DSCAML1: variants seen among roughly 807,000 people sequenced by gnomAD.
DSCAML1 encodes cell adhesion molecule DSCAML1.
Under a neutral mutation model 200.5 loss-of-function variants are expected in DSCAML1, and 38 were observed. The ratio of observed to expected loss-of-function variants is 0.19; its 90% CI spans 0.15 to 0.25. DSCAML1 has a LOEUF of 0.25. Ranked by LOEUF, DSCAML1 falls within the 10% of genes least tolerant of loss-of-function variation. The pLI is 1.00. For synonymous variants in DSCAML1, 1,215 were observed against 1,165.0 expected (o/e 1.04, Z -0.87); for missense variants, 2,223 against 2,858.8 (o/e 0.78, Z 5.07).
intron 3 of DSCAML1, among the ~76,000 whole-genome samples, chr11:117,572,344 C>A (rs2050861273): frequency 6.6e-6 from 1 of 152,150 alleles, no homozygotes; most frequent in South Asian, 2.1e-4. Flanking sequence ...CCAGCCTAGG[C>A]CTGGGAGGTG....
chr11:117,695,315 CTTTTTT>C (rs753748981), intron 3 of DSCAML1, among the ~76,000 whole-genome samples: 4 of 116,700 alleles, frequency 3.4e-5, no homozygotes, highest in African/African-American at 1.3e-4. Flanking sequence ...CTTTCTTTTT[CTTTTTT>C]TTTTTTTTTT....
chr11:117,546,880 G>A (rs575226286), intron 3 of DSCAML1, among the ~76,000 whole-genome samples: 5 of 152,250 alleles, frequency 3.3e-5, no homozygotes, highest in East Asian at 3.9e-4. Flanking sequence ...AAACTGGAGC[G>A]CTCCCAGGCT....
At chr11:117,574,659 T>G (rs2050902031) in intron 3 of DSCAML1, among the ~76,000 whole-genome samples, 1 of 152,078 alleles carries the variant, frequency 6.6e-6, no homozygotes, top group Non-Finnish European at 1.5e-5. Context: ...TCCCTACCTC[T>G]CAAGGGCAGA....
chr11:117,784,145 G>A (rs1467346044), intron 1 of DSCAML1, among the ~76,000 whole-genome samples: 1 of 152,226 alleles, frequency 6.6e-6, no homozygotes, highest in Non-Finnish European at 1.5e-5. Context: ...CTCCCACCCT[G>A]GGATGTGAGC....
At chr11:117,655,036 C>T (rs557727996) in intron 3 of DSCAML1, among the ~76,000 whole-genome samples, 16 of 152,386 alleles carry the variant, frequency 1.0e-4, no homozygotes, top group South Asian at 1.0e-3. Context: ...GCTGCCAGCA[C>T]ATCCCCTCTC....
At chr11:117,816,916 CCTGT>C (rs1165124566) in intron 1 of DSCAML1, among the ~76,000 whole-genome samples, 1 of 152,192 alleles carries the variant, frequency 6.6e-6, no homozygotes, top group Non-Finnish European at 1.5e-5. Flanking sequence ...TAGCGATCGG[CCTGT>C]CTGAGGCTCT....
chr11:117,797,176 C>G lies in DSCAML1; in HGVS notation c.-97G>C. On this transcript the variant is annotated 5_prime_UTR_variant, in exon 1 of 33. Transcript: ENST00000651296. ...CAGCGCGCTCCCAGCCGCCCGCACT[C>G]GGCGCCCCGCTCTCTCTGCTCCTCA... is the stretch of plus-strand genomic sequence containing the variant. 2 of 1,573,328 alleles carry G rather than the reference C, an allele frequency of 1.3e-6. No individual in the cohort carries two copies. Among genetic ancestry groups the G allele is most frequent in the Non-Finnish European group, 1.7e-6 (2 of 1,161,798 alleles).
At chr11:117,544,943 A>G (rs536830964) in intron 3 of DSCAML1, among the ~76,000 whole-genome samples, 1 of 152,266 alleles carries the variant, frequency 6.6e-6, no homozygotes, top group South Asian at 2.1e-4. Flanking sequence ...TTATAACAAG[A>G]GGAAGAGGCT....
chr11:117,464,997 A>G lies in DSCAML1; in HGVS notation c.3210T>C (p.Asn1070=). ...AQYGVVVQAF[N]RAGTGPSSSE... ...TGGAAGAGGGCCCCGTGCCAGCCCGATTGAAGGCTTGGACCACCACCCCAT... is the reference window on the plus strand; with the variant it reads ...TGGAAGAGGGCCCCGTGCCAGCCCGGTTGAAGGCTTGGACCACCACCCCAT... The change falls in exon 17 of 33, where the codon AAT becomes AAC. Residue 1070 remains asparagine, a synonymous_variant. Transcript: ENST00000651296. The G allele has an allele frequency of 6.2e-7, 1 of 1,614,038 alleles. No individual in the cohort carries two copies. The highest frequency in any genetic ancestry group is 8.5e-7 in the Non-Finnish European group (1 of 1,179,956).
At chr11:117,756,313 G>A (rs549751888) in intron 3 of DSCAML1, among the ~76,000 whole-genome samples, 8 of 152,296 alleles carry the variant, frequency 5.3e-5, no homozygotes, top group East Asian at 3.9e-4. Flanking sequence ...AGGTCTGCAC[G>A]ATATGTGTGG....
chr11:117,761,980 G>C (rs1302552637), intron 3 of DSCAML1, among the ~76,000 whole-genome samples: 2 of 152,160 alleles, frequency 1.3e-5, no homozygotes, highest in Non-Finnish European at 2.9e-5. Context: ...ACAGTGCCTG[G>C]CACATGGCAA....
chr11:117,459,809 T>A (rs145694675), intron 18 of DSCAML1, among the ~76,000 whole-genome samples: 315 of 152,158 alleles, frequency 2.1e-3, no homozygotes, highest in African/African-American at 7.3e-3. Flanking sequence ...GAGACCCCCC[T>A]CCCAGCACCT....
intron 3 of DSCAML1, among the ~76,000 whole-genome samples, chr11:117,718,674 C>CT (rs1460718168): frequency 1.5e-5 from 1 of 65,944 alleles, no homozygotes; most frequent in South Asian, 7.8e-4. Flanking sequence ...CAAAACCCCC[C>CT]CCCCCCCCCA....
chr11:117,599,217 T>G (rs2051419616), intron 3 of DSCAML1, among the ~76,000 whole-genome samples: 1 of 152,126 alleles, frequency 6.6e-6, no homozygotes, highest in Non-Finnish European at 1.5e-5. Flanking sequence ...CAGCCCTGTA[T>G]TTTGGTTGCT....
intron 11 of DSCAML1, 45 bp from the exon 12 acceptor site, chr11:117,482,207 AG>A: frequency 6.2e-7 from 1 of 1,607,124 alleles, no homozygotes; most frequent in Non-Finnish European, 8.5e-7. Flanking sequence ...TCGGGAGACC[AG>A]CCTGGAGGAG....
intron 20 of DSCAML1, among the ~76,000 whole-genome samples, chr11:117,446,197 C>T (rs2048173918): frequency 6.6e-6 from 1 of 152,168 alleles, no homozygotes; most frequent in Non-Finnish European, 1.5e-5. Flanking sequence ...AATCCCCTCT[C>T]TACTAAAAAA....
intron 3 of DSCAML1, among the ~76,000 whole-genome samples, chr11:117,674,312 G>A (rs538131539): frequency 1.8e-4 from 27 of 152,254 alleles, no homozygotes; most frequent in Admixed American, 1.5e-3. Context: ...GGGGATCCTA[G>A]GTGGACACTG....
At chr11:117,722,415 A>G (rs545504265) in intron 3 of DSCAML1, among the ~76,000 whole-genome samples, 20 of 152,242 alleles carry the variant, frequency 1.3e-4, no homozygotes, top group African/African-American at 4.8e-4. Flanking sequence ...TGATTAACAG[A>G]TCCAAAGTTA....
At chr11:117,767,295 A>G (rs113871825) in intron 3 of DSCAML1, among the ~76,000 whole-genome samples, 134 of 152,276 alleles carry the variant, frequency 8.8e-4, no homozygotes, top group African/African-American at 3.0e-3. Flanking sequence ...CCACATCTGC[A>G]AAATGGGAAT....
Sources: gnomAD v4.1 joint callset for allele counts (sites outside exome capture counted in the v4.1 genomes callset) on GRCh38, gnomAD v4.1.1 for gene constraint, MANE v1.5 for transcripts, NCBI Gene and HGNC (gene_info 2026-07-23, HGNC 2026-07-21) for gene names.